NAA35: variants seen among roughly 807,000 people sequenced by gnomAD.
NAA35 encodes the protein MAK10 homolog, amino-acid N-acetyltransferase subunit.
In NAA35, 18 loss-of-function variants were observed where a neutral mutation model predicts 101.7. The observed-to-expected ratio is 0.18, with a 90% confidence interval of 0.12 to 0.26. The LOEUF (loss-of-function observed/expected upper bound fraction) is 0.26. NAA35 is among the 10% of genes least tolerant of loss of function. The pLI, the probability that NAA35 is intolerant of heterozygous loss-of-function variation, is 1.00. For missense variants in NAA35, 601 were observed against 886.8 expected, an observed-to-expected ratio of 0.68 and a Z score of 4.09; for synonymous variants, 267 against 273.1, an observed-to-expected ratio of 0.98 and a Z score of 0.22.
In NAA35 at chr9:85,977,462, A is replaced by T; in HGVS notation, c.762+16A>T. 6.5e-7 allele frequency: 1 copy of T among 1,542,388 alleles called. No individual in the cohort carries two copies. Among genetic ancestry groups the T allele is most frequent in the Non-Finnish European group, 9.0e-7 (1 of 1,116,718 alleles). ...TAAGAAAGAGGTAAGGGCATTCAATATAATATGTCTATTTGTTTTAGTGAT... is the reference window on the plus strand; with the variant it reads ...TAAGAAAGAGGTAAGGGCATTCAATTTAATATGTCTATTTGTTTTAGTGAT... On this transcript the variant is annotated intron_variant, in intron 10 of 22. Coordinates refer to ENST00000361671, the MANE Select transcript of NAA35 (RefSeq NM_024635.4).
rs1830306877 is a variant in NAA35, at chr9:85,978,453, C to T, written c.877+72C>T. 7 of 1,078,416 alleles carry T rather than the reference C, an allele frequency of 6.5e-6. No homozygotes were observed. The Admixed American group carries it at 8.9e-5, about 14-fold the overall frequency. The allele number at this position is 1,078,416 out of a possible 1,614,324, so 66.8% of individuals were successfully genotyped here. A position where few individuals can be genotyped will look rare whatever the true frequency, so the allele number is the denominator to read the frequency against. On this transcript the variant is annotated intron_variant, in intron 11 of 22. Transcript: ENST00000361671. ...CAAAATATTTAGTGCTTAGCTTGTA[C>T]TAAAGTTTTTTCAAGTCAGTCTTGT...
At chr9:85,958,438 A>G (rs200790345) in intron 3 of NAA35, 34 bp from the exon 4 acceptor site, 1 of 1,422,164 alleles carries the variant, frequency 7.0e-7, no homozygotes, top group African/African-American at 1.4e-5. Flanking sequence ...ACTGGCTCAA[A>G]AACAATTTGT....
At chr9:85,986,543 G>A (rs917974683) in intron 11 of NAA35, 1 of 437,070 alleles carries the variant, frequency 2.3e-6, no homozygotes, top group Non-Finnish European at 4.6e-6. Context: ...AAACGAAGGA[G>A]TACTCTAAGC....
intron 11 of NAA35, among the ~76,000 whole-genome samples, chr9:85,993,839 C>G (rs542864784): frequency 6.6e-6 from 1 of 152,098 alleles, no homozygotes; most frequent in Non-Finnish European, 1.5e-5. Context: ...GATAGGGTCT[C>G]ACTCTGTCAC....
At position 86,016,633 on chromosome 9, in the gene NAA35, CAG is replaced by C; in HGVS notation, c.1665_1666del (p.Lys556ArgfsTer3). On this transcript the variant is annotated frameshift_variant, in exon 18 of 23. Coordinates refer to ENST00000361671, the MANE Select transcript of NAA35 (RefSeq NM_024635.4). LOFTEE classifies it high-confidence loss of function. ...AGAGGAAAGGATAATGGAAGAGCAG[CAG>C]AAAGGCCGTAGTAGTAAAAAAACAA... The part of the protein sequence containing the change: ...MAEERIMEEQ[Q>X]KGRSSKKTKK... 6.2e-7 allele frequency: 1 copy of C among 1,613,496 alleles called. No individual in the cohort carries two copies. Among genetic ancestry groups the C allele is most frequent in the Non-Finnish European group, 8.5e-7 (1 of 1,179,870 alleles).
rs1211056458 is a variant in NAA35, at chr9:86,023,309, C to A, written c.*1349C>A. On this transcript the variant is annotated 3_prime_UTR_variant, in exon 23 of 23. Transcript: ENST00000361671. ...AATTATGGAGAGACAAAGAGTATACCTGTTACTGATGTAGTTACTTTGTTG... is the reference window on the plus strand; with the variant it reads ...AATTATGGAGAGACAAAGAGTATACATGTTACTGATGTAGTTACTTTGTTG... Among the ~76,000 whole-genome samples the A allele has an allele frequency of 6.6e-6, 1 of 152,096 alleles. No homozygotes were observed. The highest frequency in any genetic ancestry group is 1.5e-5 in the Non-Finnish European group (1 of 68,014).
intron 2 of NAA35, among the ~76,000 whole-genome samples, chr9:85,955,953 A>G (rs1829256780): frequency 6.6e-6 from 1 of 152,242 alleles, no homozygotes; most frequent in Non-Finnish European, 1.5e-5. Context: ...AATGGTTTTG[A>G]CACTGTTACT....
chr9:85,991,630 A>T (rs1830915839), intron 11 of NAA35, among the ~76,000 whole-genome samples: 1 of 152,104 alleles, frequency 6.6e-6, no homozygotes, highest in Admixed American at 6.5e-5. Flanking sequence ...AGATGGGGTG[A>T]GGAGAGCATC....
At chr9:85,974,701 A>G (rs1254265739) in intron 6 of NAA35, among the ~76,000 whole-genome samples, 5 of 152,188 alleles carry the variant, frequency 3.3e-5, no homozygotes, top group Non-Finnish European at 1.5e-5. Flanking sequence ...TTACCCTTAT[A>G]TGGCAAGTGA....
At chr9:85,951,310 G>A (rs1157901424) in intron 2 of NAA35, among the ~76,000 whole-genome samples, 1 of 152,100 alleles carries the variant, frequency 6.6e-6, no homozygotes, top group Non-Finnish European at 1.5e-5. Context: ...TCTCATATTT[G>A]CTTCTGTAAT....
At chr9:85,945,639 C>T (rs749311797) in intron 2 of NAA35, among the ~76,000 whole-genome samples, 6 of 152,036 alleles carry the variant, frequency 3.9e-5, no homozygotes, top group Admixed American at 1.3e-4. Context: ...CTGCCTCAGC[C>T]TCCCGAGTAG....
intron 13 of NAA35, among the ~76,000 whole-genome samples, chr9:86,003,885 A>G (rs1831518747): frequency 6.6e-6 from 1 of 152,302 alleles, no homozygotes; most frequent in African/African-American, 2.4e-5. Context: ...TATCTTTCTT[A>G]TCATTTTAGA....
At chr9:85,952,308 G>A (rs1465233163) in intron 2 of NAA35, among the ~76,000 whole-genome samples, 3 of 141,666 alleles carry the variant, frequency 2.1e-5, no homozygotes, top group African/African-American at 7.9e-5. Context: ...TTTTTGAGAC[G>A]GTGTTTCGCT....
At chr9:85,965,409 C>T (rs1471265932) in intron 6 of NAA35, among the ~76,000 whole-genome samples, 6 of 152,144 alleles carry the variant, frequency 3.9e-5, no homozygotes, top group African/African-American at 1.2e-4. Context: ...GGGCGGATGG[C>T]TTGAGCTGAG....
At chr9:86,013,184 G>A in intron 16 of NAA35, 40 bp downstream of exon 16, 1 of 1,246,110 alleles carries the variant, frequency 8.0e-7, no homozygotes, top group Non-Finnish European at 1.2e-6. Flanking sequence ...ATTAAATGAT[G>A]CACACACTTT....
At chr9:85,996,204 T>G (rs1325601511) in intron 11 of NAA35, among the ~76,000 whole-genome samples, 195 bp from the exon 12 acceptor site, 1 of 152,210 alleles carries the variant, frequency 6.6e-6, no homozygotes. Flanking sequence ...TTTAGGTTAT[T>G]AAATCTACTT....
At chr9:85,942,337 A>G in intron 2 of NAA35, 54 bp downstream of exon 2, 1 of 1,590,330 alleles carries the variant, frequency 6.3e-7, no homozygotes, top group Non-Finnish European at 8.5e-7. Flanking sequence ...TAGAATGACG[A>G]TTGTGCTTTC....
intron 17 of NAA35, chr9:86,015,917 A>G (rs1832189616): frequency 4.4e-6 from 1 of 227,462 alleles, no homozygotes; most frequent in South Asian, 1.6e-4. Flanking sequence ...ATGGTATAAA[A>G]GGGTACTATA....
intron 11 of NAA35, among the ~76,000 whole-genome samples, chr9:85,995,382 A>T (rs924587582): frequency 6.6e-6 from 1 of 151,688 alleles, no homozygotes; most frequent in African/African-American, 2.4e-5. Flanking sequence ...ATTGTAGGCT[A>T]AAGATTTTAG....
Sources: allele counts gnomAD v4.1 joint callset (sites outside exome capture counted in the v4.1 genomes callset), GRCh38; gene constraint gnomAD v4.1.1; transcripts MANE v1.5; gene names NCBI Gene and HGNC (gene_info 2026-07-23, HGNC 2026-07-21).